Variants in DGKB observed in about 807,000 individuals in gnomAD.
The protein encoded by DGKB is diacylglycerol kinase beta.
DGKB carries 67 observed loss-of-function variants against 114.3 expected under a neutral mutation model. The observed-to-expected ratio is 0.59, with a 90% CI of 0.48 to 0.72. The LOEUF (loss-of-function observed/expected upper bound fraction) is 0.72. Among genes scored for constraint, DGKB ranks in the 30% least tolerant of loss-of-function variants. The pLI is 0.00. For synonymous variants in DGKB, 398 were observed against 323.1 expected, an observed-to-expected ratio of 1.23 and a Z score of -2.49; for missense variants, 907 against 975.2, an observed-to-expected ratio of 0.93 and a Z score of 0.93.
chr7:14,294,098 C>A (rs1264029302), intron 23 of DGKB, among the ~76,000 whole-genome samples: 1 of 152,056 alleles, frequency 6.6e-6, no homozygotes, highest in African/African-American at 2.4e-5. Context: ...CTTCTAGTAA[C>A]CATCTGTATT....
intron 1 of DGKB, among the ~76,000 whole-genome samples, chr7:14,869,809 C>T (rs1852196686): frequency 6.6e-6 from 1 of 152,024 alleles, no homozygotes; most frequent in Non-Finnish European, 1.5e-5. Flanking sequence ...TATATTTACA[C>T]ATATCCAGTC....
chr7:14,733,735 GAAGAAAGAAATAAAGAAGAAAGAAAGA>G (rs1323709892), intron 5 of DGKB, among the ~76,000 whole-genome samples: 29 of 133,784 alleles, frequency 2.2e-4, no homozygotes, highest in East Asian at 6.6e-4. Flanking sequence ...AAGAAATAAA[GAAGAAAGAAATAAAGAAGAAAGAAAGA>G]AAGAAAGAAA....
intron 23 of DGKB, among the ~76,000 whole-genome samples, chr7:14,269,403 T>C (rs1382359733): frequency 1.3e-5 from 2 of 152,140 alleles, no homozygotes; most frequent in African/African-American, 4.8e-5. Context: ...CCACCACAAG[T>C]AGGTTTAAAG....
intron 23 of DGKB, among the ~76,000 whole-genome samples, chr7:14,269,722 A>G (rs1798013601): frequency 6.6e-6 from 1 of 152,144 alleles, no homozygotes; most frequent in Admixed American, 6.5e-5. Context: ...TGGATTTAGA[A>G]ACTTCCTATT....
upstream of DGKB, among the ~76,000 whole-genome samples, chr7:14,907,536 C>T (rs946004951): frequency 1.3e-5 from 2 of 152,204 alleles, no homozygotes; most frequent in African/African-American, 2.4e-5. Flanking sequence ...TGCATGTGCG[C>T]TTACATGTAT....
chr7:14,702,170 C>G (rs541569563), intron 6 of DGKB, among the ~76,000 whole-genome samples: 2 of 152,194 alleles, frequency 1.3e-5, no homozygotes, highest in South Asian at 2.1e-4. Context: ...AAAAACTTTT[C>G]TTTATCTGTA....
chr7:14,971,423 C>A (rs189670331), intron 1 of DGKB, among the ~76,000 whole-genome samples: 1 of 152,016 alleles, frequency 6.6e-6, no homozygotes, highest in African/African-American at 2.4e-5. Context: ...GTATTCTTGG[C>A]GGAAAACTCT....
intron 2 of DGKB, among the ~76,000 whole-genome samples, chr7:14,818,390 T>C (rs981428371): frequency 6.6e-6 from 1 of 152,158 alleles, no homozygotes; most frequent in Non-Finnish European, 1.5e-5. Context: ...CAGGCTCTGA[T>C]GGGAATGGCA....
chr7:14,327,864 T>C (rs1045583418), intron 23 of DGKB, among the ~76,000 whole-genome samples: 2 of 152,158 alleles, frequency 1.3e-5, no homozygotes, highest in African/African-American at 4.8e-5. Context: ...TCATTTTTGC[T>C]CAATTACTTA....
intron 21 of DGKB, among the ~76,000 whole-genome samples, chr7:14,455,281 T>A (rs1436377535): frequency 1.5e-4 from 23 of 152,024 alleles, no homozygotes; most frequent in Non-Finnish European, 2.2e-4. Context: ...ATGCATTTCA[T>A]TGGTGTGGAA....
intron 1 of DGKB, among the ~76,000 whole-genome samples, chr7:14,974,439 T>A (rs1408216464): frequency 1.3e-5 from 2 of 152,072 alleles, no homozygotes; most frequent in African/African-American, 4.8e-5. Flanking sequence ...AAATTAAAAA[T>A]TATGCAATAT....
At chr7:14,629,756 A>T (rs919604524) in intron 14 of DGKB, among the ~76,000 whole-genome samples, 1 of 152,110 alleles carries the variant, frequency 6.6e-6, no homozygotes, top group Non-Finnish European at 1.5e-5. Flanking sequence ...TCTCTATACA[A>T]TGGCATGGGC....
chr7:14,632,651 G>C (rs1028608439), intron 13 of DGKB, among the ~76,000 whole-genome samples: 3 of 151,782 alleles, frequency 2.0e-5, no homozygotes, highest in African/African-American at 7.3e-5. Context: ...CTATGAAGTT[G>C]CTAGAAGGTT....
At chr7:14,503,376 T>C (rs944841118) in intron 20 of DGKB, among the ~76,000 whole-genome samples, 14 of 149,738 alleles carry the variant, frequency 9.3e-5, no homozygotes, top group Non-Finnish European at 1.8e-4. Context: ...GAGATGGTCA[T>C]TTGAACAGAC....
At chr7:14,866,801 C>T (rs960649900) in intron 1 of DGKB, among the ~76,000 whole-genome samples, 12 of 152,034 alleles carry the variant, frequency 7.9e-5, no homozygotes, top group African/African-American at 4.8e-5. Flanking sequence ...TCGTAGAAAC[C>T]ACCAAACTGT....
At chr7:14,203,852 G>A (rs1333860573) in intron 23 of DGKB, among the ~76,000 whole-genome samples, 1 of 151,968 alleles carries the variant, frequency 6.6e-6, no homozygotes, top group Admixed American at 6.6e-5. Flanking sequence ...ACCTACTTCA[G>A]TAGCAGATGT....
intron 25 of DGKB, among the ~76,000 whole-genome samples, chr7:14,167,033 A>C (rs1300315747): frequency 6.6e-6 from 1 of 151,990 alleles, no homozygotes; most frequent in East Asian, 1.9e-4. Context: ...AATAGGGTGA[A>C]AACCCATCTG....
At chr7:14,206,748 A>C (rs1786890413) in intron 23 of DGKB, among the ~76,000 whole-genome samples, 1 of 152,108 alleles carries the variant, frequency 6.6e-6, no homozygotes, top group African/African-American at 2.4e-5. Context: ...TGCAAAGATC[A>C]AATCAAATAA....
At chr7:14,646,450 T>C (rs567692106) in intron 13 of DGKB, among the ~76,000 whole-genome samples, 34 of 152,240 alleles carry the variant, frequency 2.2e-4, no homozygotes, top group Admixed American at 1.8e-3. Flanking sequence ...GGATAATAAA[T>C]TGTAAAATAT....
Sources: gnomAD v4.1 joint callset for allele counts (sites outside exome capture counted in the v4.1 genomes callset) on GRCh38, gnomAD v4.1.1 for gene constraint, MANE v1.5 for transcripts, NCBI Gene and HGNC (gene_info 2026-07-23, HGNC 2026-07-21) for gene names.